Variants in FHIT observed in about 807,000 individuals in gnomAD.
FHIT encodes bis(5'-adenosyl)-triphosphatase.
FHIT carries 19 observed loss-of-function variants against 17.9 expected under a neutral mutation model. That is an observed-to-expected ratio of 1.06 (90% CI 0.74 to 1.56). The LOEUF (loss-of-function observed/expected upper bound fraction) is 1.56. Among genes scored for constraint, FHIT ranks in the 40% most tolerant of loss-of-function variants. The pLI, the probability that FHIT is intolerant of heterozygous loss-of-function variation, is 0.00. For synonymous variants in FHIT, 81 were observed against 69.7 expected (o/e 1.16, Z -0.81); for missense variants, 248 against 189.2 (o/e 1.31, Z -1.82).
intron 2 of FHIT, among the ~76,000 whole-genome samples, chr3:61,192,928 T>G (rs1375763062): frequency 1.3e-5 from 2 of 152,222 alleles, no homozygotes; most frequent in Non-Finnish European, 2.9e-5. Flanking sequence ...AATATCAATT[T>G]GTACTCTTTG....
intron 5 of FHIT, among the ~76,000 whole-genome samples, chr3:60,166,315 A>G (rs1403444366): frequency 6.6e-6 from 1 of 152,200 alleles, no homozygotes; most frequent in African/African-American, 2.4e-5. Flanking sequence ...GTTCAGAATT[A>G]TGGGCCAACT....
intron 5 of FHIT, among the ~76,000 whole-genome samples, chr3:60,287,068 G>T (rs2107658759): frequency 6.6e-6 from 1 of 152,266 alleles, no homozygotes; most frequent in African/African-American, 2.4e-5. Flanking sequence ...ACCATGTCAT[G>T]TTAACAAATT....
At chr3:60,565,274 A>G (rs2037091905) in intron 4 of FHIT, among the ~76,000 whole-genome samples, 1 of 152,164 alleles carries the variant, frequency 6.6e-6, no homozygotes, top group Admixed American at 6.6e-5. Flanking sequence ...AGTGGTGTGT[A>G]TCTGAACCCA....
intron 7 of FHIT, among the ~76,000 whole-genome samples, chr3:59,923,071 A>T (rs1440709389): frequency 6.6e-6 from 1 of 151,906 alleles, no homozygotes; most frequent in Admixed American, 6.6e-5. Context: ...CATCCTGGCC[A>T]ACACGGTGAA....
Position 60,026,498 on chromosome 3 carries a change from C to A in FHIT, c.104-12346G>T, listed in dbSNP as rs192332556. Reference sequence around the variant, plus strand: ...ACTTTTCTACATTCCACTCACCCACCCATCTCCATTTTCTCATTTGATCTC... The same window carrying A: ...ACTTTTCTACATTCCACTCACCCACACATCTCCATTTTCTCATTTGATCTC... On this transcript the variant is annotated intron_variant, in intron 5 of 9. Transcript: ENST00000492590. Among the ~76,000 whole-genome samples, 180 of 152,268 alleles carry A rather than the reference C, an allele frequency of 1.2e-3. 1 individual carries two copies. Among genetic ancestry groups the A allele is most frequent in the African/African-American group, 4.2e-3 (175 of 41,560 alleles).
chr3:59,838,929 C>T (rs1431225100), intron 8 of FHIT, among the ~76,000 whole-genome samples: 1 of 152,108 alleles, frequency 6.6e-6, no homozygotes, highest in African/African-American at 2.4e-5. Flanking sequence ...AGCTGCGCTA[C>T]CTTGATCAAT....
At chr3:60,110,310 C>CTCTCA (rs1298946002) in intron 5 of FHIT, among the ~76,000 whole-genome samples, 1 of 152,122 alleles carries the variant, frequency 6.6e-6, no homozygotes, top group Non-Finnish European at 1.5e-5. Context: ...AAGTCACAAT[C>CTCTCA]TCTCAACTCA....
At chr3:60,185,651 G>A (rs994074941) in intron 5 of FHIT, among the ~76,000 whole-genome samples, 3 of 152,122 alleles carry the variant, frequency 2.0e-5, no homozygotes, top group Non-Finnish European at 4.4e-5. Flanking sequence ...TATGACTGCT[G>A]GATTGTATGG....
chr3:60,325,095 A>G (rs1438310151), intron 5 of FHIT, among the ~76,000 whole-genome samples: 3 of 123,694 alleles, frequency 2.4e-5, no homozygotes, highest in African/African-American at 9.9e-5. Context: ...GCAAAAAAAC[A>G]GAGTGAAAGA....
intron 5 of FHIT, among the ~76,000 whole-genome samples, chr3:60,414,001 G>T (rs960923960): frequency 6.6e-6 from 1 of 152,158 alleles, no homozygotes; most frequent in Admixed American, 6.5e-5. Flanking sequence ...AAATAACTAT[G>T]TAACTACAAA....
At chr3:60,425,866 A>T (rs1702644180) in intron 5 of FHIT, among the ~76,000 whole-genome samples, 1 of 152,232 alleles carries the variant, frequency 6.6e-6, no homozygotes, top group South Asian at 2.1e-4. Context: ...ATTTATTGAT[A>T]GCCATCCCAT....
At chr3:60,950,754 C>T (rs1575740168) in intron 3 of FHIT, among the ~76,000 whole-genome samples, 2 of 151,904 alleles carry the variant, frequency 1.3e-5, no homozygotes, top group Admixed American at 1.3e-4. Flanking sequence ...AACTCCTGAC[C>T]TCAAGTGATC....
At chr3:60,037,026 G>A (rs1423772216) in intron 5 of FHIT, among the ~76,000 whole-genome samples, 1 of 152,218 alleles carries the variant, frequency 6.6e-6, no homozygotes, top group Admixed American at 6.5e-5. Flanking sequence ...AAGGAGAAGT[G>A]TGTGCTAAAT....
At position 60,533,506 on chromosome 3, in the gene FHIT, G is replaced by T. The variant is rs543203091; in HGVS notation, c.103+3354C>A. ...AGACTGGGCTGTGTGTTTGGTCTTGGTACCTGGAACAGAGTATGAGCTCAG... is the reference window on the plus strand; with the variant it reads ...AGACTGGGCTGTGTGTTTGGTCTTGTTACCTGGAACAGAGTATGAGCTCAG... On this transcript the variant is annotated intron_variant, in intron 5 of 9. Coordinates refer to ENST00000492590, the MANE Select transcript of FHIT (RefSeq NM_002012.4). Among the ~76,000 whole-genome samples the T allele has an allele frequency of 3.3e-5, 5 of 152,306 alleles. No individual in the cohort carries two copies. In the East Asian group the frequency reaches 9.7e-4, roughly 29 times the overall value.
intron 5 of FHIT, among the ~76,000 whole-genome samples, chr3:60,249,754 T>A (rs578166877): frequency 2.8e-5 from 4 of 143,022 alleles, no homozygotes; most frequent in African/African-American, 1.1e-4. Flanking sequence ...AGGGAGAGTG[T>A]ATTAATCTGT....
At chr3:59,991,088 G>A (rs1709211073) in intron 7 of FHIT, among the ~76,000 whole-genome samples, 1 of 151,992 alleles carries the variant, frequency 6.6e-6, no homozygotes, top group Admixed American at 6.6e-5. Context: ...CAGACTACCA[G>A]CTCCATGAGA....
At chr3:60,198,032 C>A (rs1407978604) in intron 5 of FHIT, among the ~76,000 whole-genome samples, 1 of 152,152 alleles carries the variant, frequency 6.6e-6, no homozygotes, top group East Asian at 1.9e-4. Context: ...ATATGCCTCA[C>A]AGGCACAGCA....
intron 5 of FHIT, among the ~76,000 whole-genome samples, chr3:60,530,274 G>A (rs886712735): frequency 6.6e-6 from 1 of 152,180 alleles, no homozygotes; most frequent in Non-Finnish European, 1.5e-5. Flanking sequence ...AAGGCAGATA[G>A]CAGGAAGTAG....
intron 1 of FHIT, among the ~76,000 whole-genome samples, chr3:61,219,326 A>AGTGTGTGT (rs2039772015): frequency 3.8e-5 from 4 of 104,966 alleles, no homozygotes; most frequent in Non-Finnish European, 7.6e-5. Context: ...TAAATCTAAA[A>AGTGTGTGT]ATGTGTGTGT....
Sources: allele counts gnomAD v4.1 joint callset (sites outside exome capture counted in the v4.1 genomes callset), GRCh38; gene constraint gnomAD v4.1.1; transcripts MANE v1.5; gene names NCBI Gene and HGNC (gene_info 2026-07-23, HGNC 2026-07-21).